The following ANO3 variants were observed in gnomAD, a reference collection of about 807,000 sequenced individuals.
ANO3 encodes the protein anoctamin-3.
In ANO3, 99 loss-of-function variants were observed where a neutral mutation model predicts 144.8. The observed-to-expected ratio is 0.68, with a 90% CI of 0.58 to 0.81. The LOEUF is 0.81. Ranked by LOEUF, ANO3 falls within the 30% of genes least tolerant of loss-of-function variation. The pLI is 0.00. For synonymous variants in ANO3, 414 were observed against 392.6 expected (o/e 1.05, Z -0.64); for missense variants, 905 against 1,202.2 (o/e 0.75, Z 3.66).
At chr11:26,511,735 T>C (rs903377168) in intron 5 of ANO3, among the ~76,000 whole-genome samples, 1 of 152,088 alleles carries the variant, frequency 6.6e-6, no homozygotes, top group African/African-American at 2.4e-5. Flanking sequence ...GAAAAATGAA[T>C]AGTAGCTAAT....
chr11:26,291,861 C>A (rs907298288), intron 1 of ANO3, among the ~76,000 whole-genome samples: 2 of 152,076 alleles, frequency 1.3e-5, no homozygotes, highest in Non-Finnish European at 2.9e-5. Flanking sequence ...TCATTTCAAC[C>A]TTGGTGAATC....
chr11:26,651,311 C>CT (rs1264676808), intron 24 of ANO3, among the ~76,000 whole-genome samples: 1 of 152,074 alleles, frequency 6.6e-6, no homozygotes, highest in African/African-American at 2.4e-5. Flanking sequence ...GCAACTAAAC[C>CT]TTAGAAAGTA....
intron 1 of ANO3, among the ~76,000 whole-genome samples, chr11:26,317,843 G>T (rs575688883): frequency 4.6e-5 from 7 of 152,158 alleles, no homozygotes; most frequent in South Asian, 4.1e-4. Flanking sequence ...CAATAGCAAA[G>T]ACTTGGAACC....
At chr11:26,635,940 GT>G (rs1409379463) in intron 20 of ANO3, among the ~76,000 whole-genome samples, 2 of 152,118 alleles carry the variant, frequency 1.3e-5, no homozygotes, top group Non-Finnish European at 2.9e-5. Context: ...GCTCACACCT[GT>G]AGTCCCAACA....
chr11:26,204,478 G>T (rs1355276782), intron 1 of ANO3, among the ~76,000 whole-genome samples: 2 of 152,062 alleles, frequency 1.3e-5, no homozygotes, highest in African/African-American at 4.8e-5. Flanking sequence ...TCTATGCTAT[G>T]GGAACTCCAG....
chr11:26,495,374 G>A (rs1860893193), intron 4 of ANO3, among the ~76,000 whole-genome samples: 1 of 150,074 alleles, frequency 6.7e-6, no homozygotes, highest in Non-Finnish European at 1.5e-5. Context: ...CCCTCAAATT[G>A]CTGGTATTAC....
chr11:26,315,267 C>A lies in ANO3; in HGVS notation c.-3+5548C>A, dbSNP rs545192663. ...TTCGGGTGAGCAGCTCAGAGTCCAT[C>A]CTCTTTTTCTAGACTCCAGTGATTT... is the stretch of plus-strand genomic sequence containing the variant. On this transcript the variant is annotated intron_variant, in intron 1 of 26. Transcript: ENST00000525139. 1.2e-3 allele frequency among the ~76,000 whole-genome samples: 189 copies of A among 152,258 alleles called. 1 individual carries two copies. Among genetic ancestry groups the A allele is most frequent in the Non-Finnish European group, 2.0e-3 (133 of 68,010 alleles).
Position 26,455,443 on chromosome 11 carries a change from G to A in ANO3, c.314-7587G>A, listed in dbSNP as rs1271839554. 2.6e-5 allele frequency among the ~76,000 whole-genome samples: 4 copies of A among 152,036 alleles called. No homozygotes were observed. The East Asian group carries it at 7.7e-4, about 29-fold the overall frequency. On this transcript the variant is annotated intron_variant, in intron 3 of 26. Coordinates refer to ENST00000256737, the MANE Select transcript of ANO3 (RefSeq NM_031418.4). ...TATACACCAATAACAGACAAACAGA[G>A]CCAAATCATGAGTGAACTCCCATTC...
intron 26 of ANO3, among the ~76,000 whole-genome samples, chr11:26,657,182 A>C (rs544240220): frequency 6.6e-6 from 1 of 152,186 alleles, no homozygotes; most frequent in South Asian, 2.1e-4. Context: ...TTCAGAGAAA[A>C]GGTAGCTATG....
chr11:26,557,460 C>CA (rs527754155), intron 13 of ANO3, among the ~76,000 whole-genome samples: 28,742 of 108,412 alleles, frequency 0.27, 3,010 homozygotes, highest in South Asian at 0.29. Flanking sequence ...GACTCTGTCT[C>CA]AAAAAAAAAA....
chr11:26,511,779 A>G (rs113379291), intron 5 of ANO3, among the ~76,000 whole-genome samples: 6,431 of 152,222 alleles, frequency 0.042, 302 homozygotes, highest in African/African-American at 0.11. Context: ...ATGGTTTTCA[A>G]TACTGGCTGT....
chr11:26,514,699 G>A (rs1285628318), intron 5 of ANO3, among the ~76,000 whole-genome samples: 4 of 152,040 alleles, frequency 2.6e-5, no homozygotes, highest in Non-Finnish European at 4.4e-5. Context: ...GATTTCAAAC[G>A]AAGGATCTTT....
At chr11:26,438,613 A>G (rs1421383074) in intron 1 of ANO3, among the ~76,000 whole-genome samples, 1 of 148,910 alleles carries the variant, frequency 6.7e-6, no homozygotes, top group East Asian at 2.0e-4. Flanking sequence ...AAAAAAGAAA[A>G]AAAAAAAAAA....
intron 17 of ANO3, among the ~76,000 whole-genome samples, chr11:26,609,097 G>C (rs1852016711): frequency 6.6e-6 from 1 of 152,172 alleles, no homozygotes; most frequent in Admixed American, 6.5e-5. Context: ...TCAAATCCAT[G>C]GGTTGCAATA....
chr11:26,465,124 TTGTGTG>T (rs36230269), intron 4 of ANO3, among the ~76,000 whole-genome samples: 19,668 of 145,220 alleles, frequency 0.14, 1,488 homozygotes, highest in South Asian at 0.29. Context: ...CATCATTAAA[TTGTGTG>T]TGTGTGTGTG....
intron 5 of ANO3, among the ~76,000 whole-genome samples, chr11:26,511,825 A>G (rs1440277689): frequency 6.6e-6 from 1 of 152,210 alleles, no homozygotes; most frequent in Admixed American, 6.5e-5. Flanking sequence ...TAAACTATTG[A>G]TGCCAGATCC....
chr11:26,295,363 A>C (rs1157442359), intron 1 of ANO3, among the ~76,000 whole-genome samples: 4 of 151,798 alleles, frequency 2.6e-5, no homozygotes, highest in Admixed American at 2.6e-4. Context: ...CTAAAAATAA[A>C]AATAAAAAAA....
At chr11:26,532,406 C>CT (rs35397870) in intron 8 of ANO3, among the ~76,000 whole-genome samples, 11 of 151,440 alleles carry the variant, frequency 7.3e-5, no homozygotes, top group Admixed American at 5.3e-4. Context: ...ACATTCTACT[C>CT]TTTTTTTTTA....
intron 1 of ANO3, among the ~76,000 whole-genome samples, chr11:26,413,060 T>C (rs902966578): frequency 2.0e-5 from 3 of 151,900 alleles, no homozygotes; most frequent in East Asian, 1.9e-4. Flanking sequence ...CTGGAACATA[T>C]TTTTTGTGCC....
Sources: allele counts gnomAD v4.1 joint callset (sites outside exome capture counted in the v4.1 genomes callset), GRCh38; gene constraint gnomAD v4.1.1; transcripts MANE v1.5; gene names NCBI Gene and HGNC (gene_info 2026-07-23, HGNC 2026-07-21).